The following PSD3 variants were observed in gnomAD, a reference collection of about 807,000 sequenced individuals.
The protein encoded by PSD3 is PH and SEC7 domain-containing protein 3.
Under a neutral mutation model 105.5 loss-of-function variants are expected in PSD3, and 49 were observed. The observed-to-expected ratio is 0.46, with a 90% CI of 0.37 to 0.59. PSD3 has a LOEUF of 0.59. Ranked by LOEUF, PSD3 falls within the 20% of genes least tolerant of loss-of-function variation. The probability of loss-of-function intolerance (pLI) is 0.00; values close to 1 mark genes in which losing one functional copy is unlikely to be tolerated. For synonymous variants in PSD3, 557 were observed against 457.8 expected (o/e 1.22, Z -2.77); for missense variants, 1,561 against 1,263.8 (o/e 1.24, Z -3.57).
chr8:18,651,573 G>C (rs1334124564), intron 10 of PSD3, among the ~76,000 whole-genome samples: 1 of 152,166 alleles, frequency 6.6e-6, no homozygotes, highest in Non-Finnish European at 1.5e-5. Context: ...AGGAGATAAA[G>C]GGACAAATCC....
rs188924328 is a variant in PSD3, at chr8:18,783,816, G to A, written c.2082+15479C>T. ...CCTGGCAAATTTTTTGTATTCTGAA[G>A]TAGAGATGGCATTTCACCATGTTGG... On this transcript the variant is annotated intron_variant, in intron 8 of 15. Transcript: ENST00000327040. 3.9e-3 allele frequency among the ~76,000 whole-genome samples: 593 copies of A among 152,254 alleles called. 6 individuals are homozygous for A. Among genetic ancestry groups the A allele is most frequent in the African/African-American group, 0.014 (570 of 41,546 alleles).
intron 12 of PSD3, among the ~76,000 whole-genome samples, chr8:18,592,586 G>C (rs977645879): frequency 1.7e-4 from 26 of 152,150 alleles, no homozygotes; most frequent in African/African-American, 5.8e-4. Context: ...GAAAAACAGA[G>C]GACTTTGAAA....
chr8:18,544,193 A>AAAAAC (rs1800321395), intron 15 of PSD3, among the ~76,000 whole-genome samples: 1 of 150,720 alleles, frequency 6.6e-6, no homozygotes, highest in Non-Finnish European at 1.5e-5. Flanking sequence ...AAAAAAAAAA[A>AAAAAC]AAAAACCAAA....
At position 18,798,104 on chromosome 8, in the gene PSD3, T is replaced by A. The variant is rs118061933; in HGVS notation, c.2082+1191A>T. Among the ~76,000 whole-genome samples, 458 of 152,238 alleles carry A rather than the reference T, an allele frequency of 3.0e-3. 1 individual carries two copies. Among genetic ancestry groups the A allele is most frequent in the Non-Finnish European group, 5.3e-3 (362 of 68,008 alleles). ...ATCCCTTTAACAAGCTGGATGAACA[T>A]TAGATTGCGGTAGTCATGTCAAGAT... On this transcript the variant is annotated intron_variant, in intron 8 of 15. Coordinates refer to ENST00000327040, the MANE Select transcript of PSD3 (RefSeq NM_015310.4).
intron 14 of PSD3, among the ~76,000 whole-genome samples, chr8:18,566,228 G>A (rs1801738261): frequency 6.6e-6 from 1 of 152,028 alleles, no homozygotes; most frequent in African/African-American, 2.4e-5. Flanking sequence ...ACAGAGCTTT[G>A]GATAGAAAAA....
At chr8:18,822,329 A>G (rs1336594303) in intron 4 of PSD3, among the ~76,000 whole-genome samples, 1 of 152,160 alleles carries the variant, frequency 6.6e-6, no homozygotes, top group Non-Finnish European at 1.5e-5. Context: ...CCAGTTCTCC[A>G]AAGGACATCA....
At chr8:18,665,671 T>C (rs952236229) in intron 9 of PSD3, among the ~76,000 whole-genome samples, 7 of 152,210 alleles carry the variant, frequency 4.6e-5, no homozygotes, top group African/African-American at 1.7e-4. Flanking sequence ...CATCAAATGC[T>C]ACACAGAAAT....
chr8:18,542,429 C>T (rs1017570652), intron 15 of PSD3, among the ~76,000 whole-genome samples: 4 of 152,104 alleles, frequency 2.6e-5, no homozygotes, highest in Non-Finnish European at 5.9e-5. Flanking sequence ...GAATTCAGGA[C>T]GGAATCTGCT....
chr8:18,620,697 A>G (rs1206261989), intron 11 of PSD3, among the ~76,000 whole-genome samples: 1 of 152,174 alleles, frequency 6.6e-6, no homozygotes, highest in Non-Finnish European at 1.5e-5. Flanking sequence ...GTGAGTGAGC[A>G]AGGACCTGTC....
chr8:18,751,323 C>T (rs1158827606), intron 9 of PSD3, among the ~76,000 whole-genome samples: 2 of 152,176 alleles, frequency 1.3e-5, no homozygotes, highest in Non-Finnish European at 2.9e-5. Context: ...TACAAGATCA[C>T]CCTGTGAAGT....
intron 1 of PSD3, among the ~76,000 whole-genome samples, chr8:18,953,370 T>C (rs1449447338): frequency 6.6e-6 from 1 of 152,178 alleles, no homozygotes; most frequent in Non-Finnish European, 1.5e-5. Flanking sequence ...TTTGAACAGA[T>C]ACTCAAGGCA....
chr8:18,567,610 G>A (rs773716452), intron 14 of PSD3, among the ~76,000 whole-genome samples: 1 of 152,144 alleles, frequency 6.6e-6, no homozygotes, highest in Non-Finnish European at 1.5e-5. Flanking sequence ...TGATAATTAT[G>A]AATTAAAAAC....
intron 9 of PSD3, among the ~76,000 whole-genome samples, chr8:18,754,797 T>G (rs1289432023): frequency 1.3e-5 from 2 of 152,300 alleles, no homozygotes; most frequent in East Asian, 3.9e-4. Flanking sequence ...AAGTGAAGCA[T>G]TACTATAACA....
At chr8:18,820,894 C>T (rs12544660) in intron 4 of PSD3, among the ~76,000 whole-genome samples, 61,490 of 152,004 alleles carry the variant, frequency 0.4, 13,817 homozygotes, top group Middle Eastern at 0.54. Context: ...GGACCACAGG[C>T]GTGAGTCACA....
At chr8:18,962,001 T>C (rs1292172633) in intron 1 of PSD3, among the ~76,000 whole-genome samples, 1 of 152,148 alleles carries the variant, frequency 6.6e-6, no homozygotes, top group Non-Finnish European at 1.5e-5. Flanking sequence ...ATCCCAGCAC[T>C]TTGGGAGACC....
In PSD3 at chr8:18,825,323, G is replaced by A. The variant is rs190653646; in HGVS notation, c.1635-20425C>T. On this transcript the variant is annotated intron_variant, in intron 4 of 15. Transcript: ENST00000327040. ...GACCACCAGACTCTCCAAATTCAGT[G>A]TCTGTAAGAGTCACCTGGGAAGCTT... is the stretch of plus-strand genomic sequence containing the variant. Among the ~76,000 whole-genome samples, 866 of 152,262 alleles carry A rather than the reference G, an allele frequency of 5.7e-3. 17 individuals carry two copies. Among genetic ancestry groups the A allele is most frequent in the African/African-American group, 0.02 (823 of 41,538 alleles).
intron 1 of PSD3, among the ~76,000 whole-genome samples, chr8:18,967,131 C>T (rs78289542): frequency 0.1 from 15,428 of 151,500 alleles, 992 homozygotes; most frequent in Non-Finnish European, 0.13. Context: ...GCATGGAATC[C>T]CACTTAGGAT....
intron 12 of PSD3, among the ~76,000 whole-genome samples, chr8:18,580,658 T>C (rs936274814): frequency 1.1e-4 from 17 of 152,148 alleles, no homozygotes; most frequent in Non-Finnish European, 1.9e-4. Context: ...AGAATAAAGA[T>C]GATTCTGCAC....
At chr8:18,739,968 C>A (rs1804431856) in intron 9 of PSD3, among the ~76,000 whole-genome samples, 1 of 152,170 alleles carries the variant, frequency 6.6e-6, no homozygotes, top group African/African-American at 2.4e-5. Flanking sequence ...CAAGAACTCA[C>A]AAATAATATA....
Sources: allele counts gnomAD v4.1 joint callset (sites outside exome capture counted in the v4.1 genomes callset), GRCh38; gene constraint gnomAD v4.1.1; transcripts MANE v1.5; gene names NCBI Gene and HGNC (gene_info 2026-07-23, HGNC 2026-07-21).